The following PCNX2 variants were observed in gnomAD, a reference collection of about 807,000 sequenced individuals.
PCNX2 encodes pecanex 2, also known as pecanex-like protein 2.
In PCNX2, 168 loss-of-function variants were observed where a neutral mutation model predicts 223.8. That is an observed-to-expected ratio of 0.75 (90% CI 0.66 to 0.85). The LOEUF is 0.85. Among genes scored for constraint, PCNX2 ranks in the 40% least tolerant of loss-of-function variants. The probability of loss-of-function intolerance (pLI) is 0.00; values close to 1 mark genes in which losing one functional copy is unlikely to be tolerated. For synonymous variants in PCNX2, 1,006 were observed against 1,052.6 expected, an observed-to-expected ratio of 0.96 and a Z score of 0.86; for missense variants, 2,507 against 2,675.5, an observed-to-expected ratio of 0.94 and a Z score of 1.39.
chr1:233,129,404 C>G (rs771738436), intron 21 of PCNX2, among the ~76,000 whole-genome samples: 1 of 152,216 alleles, frequency 6.6e-6, no homozygotes, highest in African/African-American at 2.4e-5. Flanking sequence ...CGCCCCGCCG[C>G]GGTGGGCTCC....
intron 32 of PCNX2, 43 bp downstream of exon 32, chr1:232,998,208 A>T (rs769479383): frequency 6.8e-7 from 1 of 1,474,100 alleles, no homozygotes; most frequent in Admixed American, 2.6e-5. Context: ...ACTGGGACCA[A>T]ATAGGACTTC....
upstream of PCNX2, among the ~76,000 whole-genome samples, chr1:233,298,322 G>A (rs1662205725): frequency 6.6e-6 from 1 of 152,166 alleles, no homozygotes; most frequent in Non-Finnish European, 1.5e-5. Context: ...CATAGAAGAG[G>A]CCAAGTACAA....
chr1:233,241,962 G>A (rs1658798216), intron 8 of PCNX2, among the ~76,000 whole-genome samples: 1 of 151,936 alleles, frequency 6.6e-6, no homozygotes, highest in Admixed American at 6.6e-5. Context: ...ATCTTCTTTG[G>A]GAACCAGGTA....
In PCNX2 at chr1:233,134,667, G is replaced by A. The variant is rs537440874; in HGVS notation, c.3837+346C>T. On this transcript the variant is annotated intron_variant, in intron 21 of 33. Coordinates refer to ENST00000258229, the MANE Select transcript of PCNX2 (RefSeq NM_014801.4). ...ACAGGGAGGGAGAGACGGAGGGAGG[G>A]AGGGAGAGACCAGTGAACTTGGTTG... 2.5e-5 allele frequency: 8 copies of A among 314,658 alleles called. No individual in the cohort carries two copies. In the Admixed American group the frequency reaches 3.9e-4, roughly 15 times the overall value. 19.5% of individuals were successfully genotyped at this position (314,658 alleles called of 1,614,324 possible).
intron 25 of PCNX2, chr1:233,031,887 A>C: frequency 1.0e-6 from 1 of 984,212 alleles, no homozygotes; most frequent in Non-Finnish European, 1.2e-6. Context: ...TGCATACTGG[A>C]CTATAAACAG....
chr1:233,128,930 G>A (rs1250628037), intron 21 of PCNX2, among the ~76,000 whole-genome samples: 3 of 152,236 alleles, frequency 2.0e-5, no homozygotes, highest in Admixed American at 6.5e-5. Context: ...TGCAGAGACC[G>A]TTCTTTCTCA....
chr1:233,319,288 C>T, the PCNX2 span, among the ~76,000 whole-genome samples: 3 of 152,232 alleles, frequency 2.0e-5, no homozygotes, highest in Admixed American at 6.5e-5. Flanking sequence ...TTCTTCACCA[C>T]CAATTCCCGT....
Position 233,213,816 on chromosome 1 carries a change from C to CTTT in PCNX2, c.2691+4080_2691+4082dup, listed in dbSNP as rs71173256. ...TATTACATACATTGCCCAGTGCACT[C>CTTT]TTTTTTTTTTTTTTTTTTTTTTTTT... is the stretch of plus-strand genomic sequence containing the variant. On this transcript the variant is annotated intron_variant, in intron 12 of 33. Coordinates refer to ENST00000258229, the MANE Select transcript of PCNX2 (RefSeq NM_014801.4). Among the ~76,000 whole-genome samples the CTTT allele has an allele frequency of 9.8e-4, 64 of 65,276 alleles. 3 individuals carry two copies. Among genetic ancestry groups the CTTT allele is most frequent in the South Asian group, 1.4e-3 (2 of 1,422 alleles). The allele number at this position is 65,276 out of a possible 152,430, so 42.8% of individuals were successfully genotyped here. A position where few individuals can be genotyped will look rare whatever the true frequency, so the allele number is the denominator to read the frequency against.
intron 21 of PCNX2, chr1:233,134,730 A>G: frequency 2.1e-6 from 1 of 478,058 alleles, no homozygotes; most frequent in African/African-American, 2.0e-5. Flanking sequence ...ATCTAGGGAA[A>G]TCTTACAATG....
the PCNX2 span, among the ~76,000 whole-genome samples, chr1:233,308,871 T>C: frequency 6.6e-6 from 1 of 152,186 alleles, no homozygotes; most frequent in African/African-American, 2.4e-5. Context: ...CAAAATGTGA[T>C]ATAAAATGAC....
At position 233,259,029 on chromosome 1, in the gene PCNX2, C is replaced by T. The variant is rs1406087131; in HGVS notation, c.833G>A (p.Ser278Asn). 11 of 1,613,856 alleles carry T rather than the reference C, an allele frequency of 6.8e-6. No homozygotes were observed. The highest frequency in any genetic ancestry group is 8.5e-6 in the Non-Finnish European group (10 of 1,179,886). The stretch of plus-strand genomic sequence containing the variant: ...TTCTGGAATCAGGACTGAATTCTCA[C>T]TCCCCCACGGCTGGAAAGAAACGTC... ...ETDVSFQPWG[S>N]ENSVLIPEPV... is the part of the protein sequence containing the mutation. The change falls in exon 5 of 34, where the codon AGT becomes AAT. Residue 278 changes from serine (S) to asparagine (N), a missense_variant. This residue lies in a region of PCNX2 where 1,031 missense variants were observed against 1,021.7 expected (regional missense o/e 1.01). Coordinates refer to ENST00000258229, the MANE Select transcript of PCNX2 (RefSeq NM_014801.4).
At chr1:233,130,035 G>C (rs1676374318) in intron 21 of PCNX2, among the ~76,000 whole-genome samples, 2 of 152,138 alleles carry the variant, frequency 1.3e-5, no homozygotes, top group African/African-American at 4.8e-5. Context: ...AGGCCAGCCA[G>C]ACCACGAACC....
At chr1:233,289,568 G>A in intron 1 of PCNX2, 1 of 609,884 alleles carries the variant, frequency 1.6e-6, no homozygotes, top group Non-Finnish European at 2.9e-6. Context: ...GCAGGTGAGG[G>A]CAGGAGGCAG....
intron 7 of PCNX2, among the ~76,000 whole-genome samples, chr1:233,251,217 C>A (rs748750211): frequency 6.6e-6 from 1 of 152,086 alleles, no homozygotes; most frequent in Non-Finnish European, 1.5e-5. Context: ...TATACGAATA[C>A]CTCAGTATCA....
intron 13 of PCNX2, chr1:233,201,656 G>A (rs1309383986): frequency 6.6e-6 from 1 of 152,412 alleles, no homozygotes; most frequent in East Asian, 1.9e-4. Flanking sequence ...TTTATTAATT[G>A]CCTTTCCAAA....
In PCNX2 at chr1:233,259,017, A is replaced by T; in HGVS notation, c.845T>A (p.Val282Asp). 6.2e-7 allele frequency: 1 copy of T among 1,613,892 alleles called. No individual in the cohort carries two copies. The highest frequency in any genetic ancestry group is 2.2e-5 in the East Asian group (1 of 44,854). Residue 282 changes from valine (V) to aspartate (D), a missense_variant, in exon 5 of 34, where the codon GTC becomes GAC. This residue lies in a region of PCNX2 where 1,031 missense variants were observed against 1,021.7 expected (regional missense o/e 1.01). Transcript: ENST00000258229. The part of the protein sequence containing the change: ...SFQPWGSENS[V>D]LIPEPVSCPR... ...ACAACTGACAGGTTCTGGAATCAGG[A>T]CTGAATTCTCACTCCCCCACGGCTG... is the stretch of plus-strand genomic sequence containing the variant.
chr1:233,226,129 C>A (rs1238195976), intron 10 of PCNX2, among the ~76,000 whole-genome samples: 3 of 152,194 alleles, frequency 2.0e-5, no homozygotes, highest in Non-Finnish European at 4.4e-5. Context: ...TTAGTAATAG[C>A]ATCTGAAATT....
intron 28 of PCNX2, among the ~76,000 whole-genome samples, chr1:233,009,764 C>G (rs1670401169): frequency 6.6e-6 from 1 of 152,192 alleles, no homozygotes; most frequent in Non-Finnish European, 1.5e-5. Flanking sequence ...CAAGCTCCCT[C>G]TGTGATTCTG....
intron 23 of PCNX2, among the ~76,000 whole-genome samples, chr1:233,074,426 C>G (rs1215823198): frequency 1.3e-5 from 2 of 151,606 alleles, no homozygotes; most frequent in Non-Finnish European, 2.9e-5. Flanking sequence ...AACCCCGTCT[C>G]TACTAAAAAT....
Sources: gnomAD v4.1 joint callset for allele counts (sites outside exome capture counted in the v4.1 genomes callset) on GRCh38, gnomAD v4.1.1 for gene constraint, gnomAD v4.1.1 regional missense constraint, MANE v1.5 for transcripts, NCBI Gene and HGNC (gene_info 2026-07-23, HGNC 2026-07-21) for gene names.